The following CAPN12 variants were observed in gnomAD, a reference collection of about 807,000 sequenced individuals.
The protein encoded by CAPN12 is calpain 12.
A neutral mutation model predicts 95.0 loss-of-function variants in CAPN12; 107 were observed. That is an observed-to-expected ratio of 1.13 (90% confidence interval 0.96 to 1.32). The LOEUF is 1.32. CAPN12 is among the 40% of genes most tolerant of loss of function. CAPN12 has a pLI of 0.00. For synonymous variants in CAPN12, 505 were observed against 415.5 expected (o/e 1.22, Z -2.62); for missense variants, 1,136 against 997.8 (o/e 1.14, Z -1.87).
Position 38,738,311 on chromosome 19 carries a change from G to A in CAPN12, c.927C>T (p.Arg309=), listed in dbSNP as rs199562578. 8.4e-5 allele frequency: 135 copies of A among 1,612,060 alleles called. No homozygotes were observed. Among genetic ancestry groups the A allele is most frequent in the East Asian group, 1.3e-4 (6 of 44,880 alleles). ...CCTCCTTTTTCACCAGCAGGGCATC[G>A]CGGCACTCGGTGGGGAGTGTGTCCC... is the stretch of plus-strand genomic sequence containing the variant. ...PRWDTLPTEC[R]DALLVKKEDG... The change falls in exon 8 of 21, where the codon CGC becomes CGT. Residue 309 remains arginine (R), a synonymous_variant. Transcript: ENST00000328867.
chr19:38,736,610 C>T lies in CAPN12; in HGVS notation c.1363-47G>A, dbSNP rs747705834. 10 of 1,578,684 alleles carry T rather than the reference C, an allele frequency of 6.3e-6. No individual in the cohort carries two copies. The Admixed American group carries it at 8.9e-5, about 14-fold the overall frequency. On this transcript the variant is annotated intron_variant, in intron 10 of 20. Coordinates refer to ENST00000328867, the MANE Select transcript of CAPN12 (RefSeq NM_144691.4). ...GGCGTCGGGGCAGGGGAGAGGTGGC[C>T]GCCGCTCAGGGTCTCCTCCCTGCCC... is the stretch of plus-strand genomic sequence containing the variant.
intron 12 of CAPN12, 47 bp from the exon 13 acceptor site, chr19:38,735,591 T>C (rs748069603): frequency 6.3e-7 from 1 of 1,574,956 alleles, no homozygotes; most frequent in Non-Finnish European, 8.6e-7. Flanking sequence ...TTGCCCCAGC[T>C]GGGGCTGTGT....
At chr19:38,734,447 G>A in intron 15 of CAPN12, 58 bp from the exon 16 acceptor site, 1 of 1,455,120 alleles carries the variant, frequency 6.9e-7, no homozygotes, top group Non-Finnish European at 9.3e-7. Flanking sequence ...ACCACTTTAA[G>A]GGCTGGGTGG....
intron 18 of CAPN12, chr19:38,733,474 T>C (rs1405896253): frequency 7.9e-6 from 4 of 508,672 alleles, no homozygotes; most frequent in Non-Finnish European, 1.4e-5. Context: ...ACCAGGCACA[T>C]CCCCCTTTCA....
rs1014514261 is a variant in CAPN12 at position 38,736,387 on chromosome 19, C to T, written c.1375-69G>A. ...CCCTTCATCCCCGCACCCTCCAGCG[C>T]GCCCCGTCCACCCTGCCTAACCCCT... On this transcript the variant is annotated intron_variant, in intron 11 of 20. Transcript: ENST00000328867. The T allele has an allele frequency of 5.4e-5, 80 of 1,486,010 alleles. No homozygotes were observed. In the East Asian group the frequency reaches 8.6e-4, roughly 16 times the overall value. 92.1% of individuals were successfully genotyped at this position (1,486,010 alleles called of 1,614,324 possible). A position where few individuals can be genotyped will look rare whatever the true frequency, so the allele number is the denominator to read the frequency against.
Position 38,737,387 on chromosome 19 carries a change from T to G in CAPN12, c.1131A>C (p.Glu377Asp). 6.2e-7 allele frequency: 1 copy of G among 1,608,900 alleles called. No homozygotes were observed. The highest frequency in any genetic ancestry group is 2.2e-5 in the East Asian group (1 of 44,600). ...FNSGGSQPNAETFWTNPQFRL... is the reference protein window; with the variant it reads ...FNSGGSQPNADTFWTNPQFRL... ...GGAACTGAGGATTGGTCCAGAAGGT[T>G]TCTAAGGGAGGAGGAAAAAAGGGGG... The change falls in exon 10 of 21, where the codon GAA (glutamate) becomes GAC (aspartate). Residue 377 changes from glutamate to aspartate, a missense_variant and splice_region_variant. Coordinates refer to ENST00000328867, the MANE Select transcript of CAPN12 (RefSeq NM_144691.4).
intron 15 of CAPN12, 111 bp downstream of exon 15, chr19:38,734,702 G>T: frequency 1.0e-6 from 1 of 1,000,794 alleles, no homozygotes; most frequent in Non-Finnish European, 1.5e-6. Context: ...CTGGCTTCCT[G>T]AGCCCAACTC....
At position 38,730,986 on chromosome 19, in the gene CAPN12, G is replaced by A; in HGVS notation, c.2112C>T (p.Val704=). 4 of 1,551,300 alleles carry A rather than the reference G, an allele frequency of 2.6e-6. No individual in the cohort carries two copies. Among genetic ancestry groups the A allele is most frequent in the Non-Finnish European group, 3.5e-6 (4 of 1,147,400 alleles). The change falls in exon 20 of 21, where the codon GTC becomes GTT. Residue 704 remains valine (V), a synonymous_variant. Coordinates refer to ENST00000328867, the MANE Select transcript of CAPN12 (RefSeq NM_144691.4). ...TCACCTGTCTGTGGGTCAGGCAGAT[G>A]ACCCCCTCACCCCCATCCAGGTGCT... ...CSQHLDGGEG[V]ICLTHRQWME... is the part of the protein sequence containing the mutation.
rs1449928686 is a variant in CAPN12 at position 38,744,259 on chromosome 19, T to C, written c.-94A>G. ...TTCCATTGGAGCCCCAGTGGGGTCT[T>C]TAGGCAATGAGGAGCCTTCCCTCGT... is the stretch of plus-strand genomic sequence containing the variant. On this transcript the variant is annotated 5_prime_UTR_variant, in exon 1 of 21. Transcript: ENST00000328867. 2 of 1,184,920 alleles carry C rather than the reference T, an allele frequency of 1.7e-6. No homozygotes were observed. Among genetic ancestry groups the C allele is most frequent in the African/African-American group, 1.5e-5 (1 of 66,150 alleles). The allele number at this position is 1,184,920 out of a possible 1,614,324, so 73.4% of individuals were successfully genotyped here.
intron 10 of CAPN12, chr19:38,736,828 A>C (rs1599911819): frequency 1.7e-6 from 1 of 575,350 alleles, no homozygotes; most frequent in South Asian, 2.1e-5. Flanking sequence ...TCTGTCCCTA[A>C]CCTCGTCCCT....
In CAPN12 at chr19:38,734,794, C is replaced by A; in HGVS notation, c.1744+19G>T. 1 of 1,611,196 alleles carries A rather than the reference C, an allele frequency of 6.2e-7. No homozygotes were observed. The highest frequency in any genetic ancestry group is 8.5e-7 in the Non-Finnish European group (1 of 1,178,872). ...CCTGGCTAAGACCCCTCCTCCTGCC[C>A]CTATCCCAGCCAACTCACCAGGCTC... On this transcript the variant is annotated intron_variant, in intron 15 of 20. Coordinates refer to ENST00000328867, the MANE Select transcript of CAPN12 (RefSeq NM_144691.4).
rs774622530 is a variant in CAPN12 at position 38,744,167 on chromosome 19, TGG to T, written c.-4_-3del. The T allele has an allele frequency of 2.6e-4, 423 of 1,613,614 alleles. No individual in the cohort carries two copies. The highest frequency in any genetic ancestry group is 8.3e-4 in the Middle Eastern group (5 of 6,060). Reference sequence around the variant, plus strand: ...GACCCTCCCACTGCTGGATGCCATCTGGACACTGGCCTCACAAGCCGGCACCA... The same window carrying T: ...GACCCTCCCACTGCTGGATGCCATCTACACTGGCCTCACAAGCCGGCACCA... On this transcript the variant is annotated 5_prime_UTR_variant, in exon 1 of 21. Transcript: ENST00000328867.
At chr19:38,736,623 C>A in intron 10 of CAPN12, 60 bp from the exon 11 acceptor site, 1 of 1,380,962 alleles carries the variant, frequency 7.2e-7, no homozygotes, top group Non-Finnish European at 9.8e-7. Flanking sequence ...CGCTCAGGGT[C>A]TCCTCCCTGC....
At position 38,737,266 on chromosome 19, in the gene CAPN12, C is replaced by T; in HGVS notation, c.1252G>A (p.Gly418Arg). Residue 418 changes from glycine (G) to arginine (R), a missense_variant, in exon 10 of 21, where the codon GGG becomes AGG. Physicochemically the swap from Gly to Arg is moderately radical, Grantham distance 125. Coordinates refer to ENST00000328867, the MANE Select transcript of CAPN12 (RefSeq NM_144691.4). ...GAAGARGPAR[G>R]GRTPKCTVLL... is the part of the protein sequence containing the mutation. ...ACCGTGCACTTGGGCGTGCGGCCCCCCCGCGCTGGGCCCCGTGCCCCTGCA... is the reference window on the plus strand; with the variant it reads ...ACCGTGCACTTGGGCGTGCGGCCCCTCCGCGCTGGGCCCCGTGCCCCTGCA... The T allele has an allele frequency of 1.3e-6, 2 of 1,548,326 alleles. No homozygotes were observed. The highest frequency in any genetic ancestry group is 1.7e-6 in the Non-Finnish European group (2 of 1,147,062).
intron 2 of CAPN12, 152 bp from the exon 3 acceptor site, chr19:38,742,680 CCACTA>C: frequency 1.6e-6 from 1 of 629,072 alleles, no homozygotes; most frequent in South Asian, 2.0e-5. Flanking sequence ...TGGCAAGACT[CCACTA>C]CAAGAAAATT....
rs137899919 is a variant in CAPN12 at position 38,732,478 on chromosome 19, C to T, written c.1957+1225G>A. Among the ~76,000 whole-genome samples, 651 of 152,252 alleles carry T rather than the reference C, an allele frequency of 4.3e-3. 8 individuals carry two copies. Among genetic ancestry groups the T allele is most frequent in the Non-Finnish European group, 3.6e-3 (245 of 68,022 alleles). On this transcript the variant is annotated intron_variant, in intron 18 of 20. Transcript: ENST00000328867. ...TCCCAAGTAGCTGGGATTACAGGCA[C>T]GCACCACCACGCCTGGCTAATTTTT...
rs376104611 is a variant in CAPN12, at chr19:38,731,026, G to A, written c.2075-3C>T. On this transcript the variant is annotated splice_region_variant and splice_polypyrimidine_tract_variant and intron_variant, in intron 19 of 20. Transcript: ENST00000328867. Reference sequence around the variant, plus strand: ...ATCCAGGTGCTGGCTGCAGTGGCCTGTGCAGAGAGGGGCAGGGTGAGTGCC... The same window carrying A: ...ATCCAGGTGCTGGCTGCAGTGGCCTATGCAGAGAGGGGCAGGGTGAGTGCC... 4.4e-5 allele frequency: 69 copies of A among 1,554,902 alleles called. No homozygotes were observed. The highest frequency in any genetic ancestry group is 5.9e-5 in the Non-Finnish European group (68 of 1,149,666).
chr19:38,731,929 T>A (rs115671661), intron 18 of CAPN12, among the ~76,000 whole-genome samples: 152 of 152,376 alleles, frequency 1.0e-3, no homozygotes, highest in African/African-American at 3.5e-3. Flanking sequence ...AGCCTCTTCC[T>A]GCCCGTGTGA....
chr19:38,733,649 G>A (rs1198264236), intron 18 of CAPN12, 54 bp downstream of exon 18: 3 of 1,488,020 alleles, frequency 2.0e-6, no homozygotes, highest in South Asian at 1.1e-5. Flanking sequence ...GGAGACAATG[G>A]GATGGGAGAG....
Sources: gnomAD v4.1 joint callset for allele counts (sites outside exome capture counted in the v4.1 genomes callset) on GRCh38, gnomAD v4.1.1 for gene constraint, MANE v1.5 for transcripts, NCBI Gene and HGNC (gene_info 2026-07-23, HGNC 2026-07-21) for gene names.